TLE1: variants seen among roughly 807,000 people sequenced by gnomAD.
TLE1 encodes the protein transducin-like enhancer protein 1.
TLE1 carries 21 observed loss-of-function variants against 89.8 expected under a neutral mutation model. The ratio of observed to expected loss-of-function variants is 0.23; its 90% CI spans 0.17 to 0.34. The LOEUF is 0.34. TLE1 is among the 10% of genes least tolerant of loss of function. TLE1 has a pLI of 1.00. For missense variants in TLE1, 795 were observed against 1,031.2 expected (o/e 0.77, Z 3.14); for synonymous variants, 447 against 407.6 (o/e 1.10, Z -1.16).
chr9:81,668,176 A>G (rs1390577727), intron 4 of TLE1, among the ~76,000 whole-genome samples: 2 of 152,160 alleles, frequency 1.3e-5, no homozygotes, highest in Non-Finnish European at 2.9e-5. Flanking sequence ...TCGAAAAAAA[A>G]AAAAAGAAGG....
At chr9:81,635,528 T>A (rs1425079063) in intron 6 of TLE1, among the ~76,000 whole-genome samples, 1 of 152,188 alleles carries the variant, frequency 6.6e-6, no homozygotes, top group Non-Finnish European at 1.5e-5. Context: ...CTGGCCACAT[T>A]TCAGCTGTCC....
intron 8 of TLE1, among the ~76,000 whole-genome samples, chr9:81,628,453 A>G (rs1826173771): frequency 6.6e-6 from 1 of 152,088 alleles, no homozygotes; most frequent in Non-Finnish European, 1.5e-5. Flanking sequence ...CCAGAAAAAG[A>G]CCAACAGTAT....
rs753115459 is a variant in TLE1, at chr9:81,670,879, T to C, written c.234+14797A>G. On this transcript the variant is annotated intron_variant, in intron 4 of 19. Transcript: ENST00000376499. ...CATACTTAATAAATTAGTCAAGAAA[T>C]AAGGATGGGCTGGGTGCCGTGGCTC... Among the ~76,000 whole-genome samples, 78 of 152,088 alleles carry C rather than the reference T, an allele frequency of 5.1e-4. No individual in the cohort carries two copies. The Middle Eastern group carries it at 0.01, about 20-fold the overall frequency.
chr9:81,613,906 C>CTT (rs761514885), intron 11 of TLE1, among the ~76,000 whole-genome samples: 237 of 89,816 alleles, frequency 2.6e-3, no homozygotes, highest in East Asian at 0.011. Context: ...CTTTTCTTTT[C>CTT]TTTTTTTTTT....
At chr9:81,592,277 A>G (rs1829653091) in intron 15 of TLE1, among the ~76,000 whole-genome samples, 1 of 152,314 alleles carries the variant, frequency 6.6e-6, no homozygotes, top group South Asian at 2.1e-4. Flanking sequence ...AGAACGGCGT[A>G]AACCCCGGAG....
chr9:81,688,123 C>T (rs1016421084), intron 1 of TLE1, 94 bp downstream of exon 1: 3 of 1,509,852 alleles, frequency 2.0e-6, no homozygotes, highest in African/African-American at 2.8e-5. Context: ...CGAGAAGGTC[C>T]GCCGGGCCTC....
chr9:81,607,060 TA>T lies in TLE1; in HGVS notation c.1331+3159del, dbSNP rs34328471. Among the ~76,000 whole-genome samples, 629 of 139,616 alleles carry T rather than the reference TA, an allele frequency of 4.5e-3. 5 individuals are homozygous for T. Among genetic ancestry groups the T allele is most frequent in the Middle Eastern group, 0.032 (8 of 250 alleles). 91.6% of individuals were successfully genotyped at this position (139,616 alleles called of 152,430 possible). A position where few individuals can be genotyped will look rare whatever the true frequency, so the allele number is the denominator to read the frequency against. On this transcript the variant is annotated intron_variant, in intron 14 of 19. Transcript: ENST00000376499. ...GCAACCCAGGGAGACCCAGTGTCTC[TA>T]AAAAAAAAAAAAAATGGAGAGAGAG...
At chr9:81,625,806 A>C (rs909334266) in intron 8 of TLE1, among the ~76,000 whole-genome samples, 59 of 149,856 alleles carry the variant, frequency 3.9e-4, no homozygotes, top group African/African-American at 1.3e-3. Flanking sequence ...GATAACAACC[A>C]GTCTTTATAG....
At chr9:81,639,282 T>C (rs1009038147) in intron 6 of TLE1, among the ~76,000 whole-genome samples, 2 of 151,942 alleles carry the variant, frequency 1.3e-5, no homozygotes, top group Non-Finnish European at 2.9e-5. Context: ...CCCAGGCTGG[T>C]CTAGAACTCC....
At position 81,584,012 on chromosome 9, in the gene TLE1, A is replaced by G. The variant is rs1828000212; in HGVS notation, c.*186T>C. 1 of 606,178 alleles carries G rather than the reference A, an allele frequency of 1.6e-6. No homozygotes were observed. 37.5% of individuals were successfully genotyped at this position (606,178 alleles called of 1,614,324 possible). On this transcript the variant is annotated 3_prime_UTR_variant, in exon 20 of 20. Transcript: ENST00000376499. ...CCTTGGTGCTCCATTTGGTCTATGT[A>G]GACAGGTGACTTTCTGCTGATGGAC...
At chr9:81,621,253 ATG>A (rs1304431187) in intron 8 of TLE1, among the ~76,000 whole-genome samples, 76 of 152,330 alleles carry the variant, frequency 5.0e-4, no homozygotes, top group African/African-American at 1.8e-3. Context: ...TCATTCGCAT[ATG>A]CCGAGTAGGA....
chr9:81,672,365 C>G (rs1427910517), intron 4 of TLE1, among the ~76,000 whole-genome samples: 2 of 151,296 alleles, frequency 1.3e-5, no homozygotes, highest in East Asian at 3.9e-4. Context: ...TGGAGTTTCA[C>G]TCTTTTTGCC....
At chr9:81,687,527 A>T (rs983654085) in intron 1 of TLE1, 93 bp from the exon 2 acceptor site, 20 of 946,780 alleles carry the variant, frequency 2.1e-5, no homozygotes, top group Middle Eastern at 2.2e-4. Flanking sequence ...GTGGGACATA[A>T]ACATAAAGTT....
At chr9:81,586,716 T>C (rs1828521546) in intron 17 of TLE1, among the ~76,000 whole-genome samples, 1 of 152,182 alleles carries the variant, frequency 6.6e-6, no homozygotes, top group South Asian at 2.1e-4. Flanking sequence ...TATTGTACAA[T>C]TCTCTGTGCT....
intron 8 of TLE1, among the ~76,000 whole-genome samples, chr9:81,629,176 C>CA (rs150448258): frequency 0.19 from 28,274 of 152,082 alleles, 3,296 homozygotes; most frequent in African/African-American, 0.34. Flanking sequence ...TCAAATGACT[C>CA]AAAGTATTTA....
At chr9:81,620,924 TGA>T (rs1445111623) in intron 8 of TLE1, 1 of 530,952 alleles carries the variant, frequency 1.9e-6, no homozygotes. Flanking sequence ...GAGCAAATCT[TGA>T]GATTACTCTA....
chr9:81,610,147 G>A, intron 14 of TLE1, 73 bp downstream of exon 14: 2 of 1,355,932 alleles, frequency 1.5e-6, no homozygotes, highest in Non-Finnish European at 2.1e-6. Context: ...ACTCCCTTTG[G>A]AATTCTAGTC....
Position 81,620,144 on chromosome 9 carries a change from G to A in TLE1, c.711+297C>T, listed in dbSNP as rs577299679. Among the ~76,000 whole-genome samples, 82 of 152,240 alleles carry A rather than the reference G, an allele frequency of 5.4e-4. 1 individual carries two copies. The highest frequency in any genetic ancestry group is 3.4e-3 in the Middle Eastern group (1 of 294). On this transcript the variant is annotated intron_variant, in intron 9 of 19. Transcript: ENST00000376499. ...TTACACCAAGGGAGGCGGGGGGCCC[G>A]GGGGACTCCTAACAAGAGCAGGGCC...
chr9:81,613,814 A>C (rs949456428), intron 11 of TLE1, among the ~76,000 whole-genome samples: 3 of 151,976 alleles, frequency 2.0e-5, no homozygotes, highest in Non-Finnish European at 4.4e-5. Context: ...GGTCTACGCC[A>C]AGTTAGAAAG....
Sources: allele counts gnomAD v4.1 joint callset (sites outside exome capture counted in the v4.1 genomes callset), GRCh38; gene constraint gnomAD v4.1.1; transcripts MANE v1.5; gene names NCBI Gene and HGNC (gene_info 2026-07-23, HGNC 2026-07-21).